FHOD3: variants seen among roughly 807,000 people sequenced by gnomAD.
FHOD3 encodes formin homology 2 domain containing 3.
Under a neutral mutation model 173.0 loss-of-function variants are expected in FHOD3, and 90 were observed. The observed-to-expected ratio is 0.52, with a 90% CI of 0.44 to 0.62. The LOEUF is 0.62. Ranked by LOEUF, FHOD3 falls within the 20% of genes least tolerant of loss-of-function variation. The probability of loss-of-function intolerance (pLI) is 0.00; values close to 1 mark genes in which losing one functional copy is unlikely to be tolerated. For missense variants in FHOD3, 1,945 were observed against 2,034.7 expected (o/e 0.96, Z 0.85); for synonymous variants, 828 against 823.0 (o/e 1.01, Z -0.10).
At chr18:36,392,051 G>T (rs551176027) in intron 3 of FHOD3, among the ~76,000 whole-genome samples, 1 of 152,232 alleles carries the variant, frequency 6.6e-6, no homozygotes, top group East Asian at 1.9e-4. Flanking sequence ...CTGGACCCTG[G>T]TGTAGCGGGG....
intron 3 of FHOD3, among the ~76,000 whole-genome samples, chr18:36,382,893 C>G (rs2047862623): frequency 6.6e-6 from 1 of 152,182 alleles, no homozygotes; most frequent in Admixed American, 6.5e-5. Flanking sequence ...GCACCGATTT[C>G]CCTAGGTTTG....
At chr18:36,530,299 A>C (rs1201316928) in intron 5 of FHOD3, among the ~76,000 whole-genome samples, 1 of 152,000 alleles carries the variant, frequency 6.6e-6, no homozygotes, top group Non-Finnish European at 1.5e-5. Context: ...CCTTCTCCCC[A>C]CCTGGCTTCT....
chr18:36,732,241 G>A (rs2041401359), intron 20 of FHOD3, among the ~76,000 whole-genome samples: 1 of 152,198 alleles, frequency 6.6e-6, no homozygotes, highest in South Asian at 2.1e-4. Context: ...AGACAGTATG[G>A]TCCTGCTGAC....
rs2034067431 is a variant in FHOD3, at chr18:36,625,874, C to G, written c.1196+125C>G. The G allele has an allele frequency of 6.5e-6, 5 of 764,284 alleles. No homozygotes were observed. In the Admixed American group the frequency reaches 9.3e-5, roughly 14 times the overall value. 47.3% of individuals were successfully genotyped at this position (764,284 alleles called of 1,614,324 possible). On this transcript the variant is annotated intron_variant, in intron 10 of 28. Transcript: ENST00000590592. ...CCCCACCCAGCATTGCTCCCTACCT[C>G]TTCTTGACCATTAAACCACCAGCCA...
intron 3 of FHOD3, among the ~76,000 whole-genome samples, chr18:36,479,611 A>G (rs1455756211): frequency 6.6e-6 from 1 of 152,122 alleles, no homozygotes; most frequent in Non-Finnish European, 1.5e-5. Flanking sequence ...ATATATATAT[A>G]TATTCCAAAT....
chr18:36,714,301 C>T (rs1231590707), intron 18 of FHOD3, among the ~76,000 whole-genome samples: 1 of 152,120 alleles, frequency 6.6e-6, no homozygotes, highest in Non-Finnish European at 1.5e-5. Flanking sequence ...CTTTGGGAGG[C>T]CGAGGCGGGC....
intron 1 of FHOD3, among the ~76,000 whole-genome samples, chr18:36,299,340 T>C (rs529248167): frequency 4.6e-5 from 7 of 152,336 alleles, no homozygotes; most frequent in East Asian, 3.9e-4. Context: ...TCCAGAGTGA[T>C]GTATTCTGGA....
At chr18:36,585,572 A>T (rs1407006591) in intron 6 of FHOD3, among the ~76,000 whole-genome samples, 2 of 151,992 alleles carry the variant, frequency 1.3e-5, no homozygotes, top group Non-Finnish European at 2.9e-5. Context: ...CTGTCCAGAC[A>T]GGTCTCCAGA....
At position 36,728,477 on chromosome 18, in the gene FHOD3, T is replaced by G. The variant is rs192338694; in HGVS notation, c.3418-2169T>G. On this transcript the variant is annotated intron_variant, in intron 19 of 28. Coordinates refer to ENST00000590592, the MANE Select transcript of FHOD3 (RefSeq NM_001281740.3). ...TCCCTGAAGAGTGGGGAGGCATGTATGCCACGTGTCCCTGGGAGCCCAGTG... is the reference window on the plus strand; with the variant it reads ...TCCCTGAAGAGTGGGGAGGCATGTAGGCCACGTGTCCCTGGGAGCCCAGTG... Among the ~76,000 whole-genome samples, 341 of 152,276 alleles carry G rather than the reference T, an allele frequency of 2.2e-3. 3 individuals are homozygous for G. The highest frequency in any genetic ancestry group is 7.9e-3 in the African/African-American group (327 of 41,570).
At chr18:36,450,618 C>T (rs1174993644) in intron 3 of FHOD3, among the ~76,000 whole-genome samples, 5 of 151,896 alleles carry the variant, frequency 3.3e-5, no homozygotes, top group African/African-American at 4.8e-5. Flanking sequence ...ATGGTGAGAC[C>T]GTGTCTCTAA....
chr18:36,553,669 A>G (rs2057755931), intron 5 of FHOD3, among the ~76,000 whole-genome samples: 1 of 152,146 alleles, frequency 6.6e-6, no homozygotes, highest in Non-Finnish European at 1.5e-5. Context: ...TCTGCATGGC[A>G]AAAGAAACTA....
chr18:36,484,296 G>A (rs1192974646), intron 3 of FHOD3, among the ~76,000 whole-genome samples: 1 of 152,128 alleles, frequency 6.6e-6, no homozygotes, highest in African/African-American at 2.4e-5. Flanking sequence ...CTCAGAAAAT[G>A]TGTAGCCTGA....
chr18:36,671,851 C>T (rs2037554969), intron 14 of FHOD3, among the ~76,000 whole-genome samples: 2 of 152,148 alleles, frequency 1.3e-5, no homozygotes, highest in South Asian at 2.1e-4. Context: ...GGGAGTAAGC[C>T]GTGCCAGAAA....
chr18:36,420,097 G>A (rs1159522745), intron 3 of FHOD3, among the ~76,000 whole-genome samples: 1 of 152,196 alleles, frequency 6.6e-6, no homozygotes, highest in Non-Finnish European at 1.5e-5. Context: ...CTCTTGGAAT[G>A]CGGAGCCTGG....
chr18:36,559,372 G>A (rs1267687961), intron 5 of FHOD3, among the ~76,000 whole-genome samples: 2 of 152,108 alleles, frequency 1.3e-5, no homozygotes, highest in Non-Finnish European at 2.9e-5. Context: ...CAGCGGGACC[G>A]GTGACATCAG....
At chr18:36,480,584 G>A (rs1341054928) in intron 3 of FHOD3, among the ~76,000 whole-genome samples, 2 of 152,170 alleles carry the variant, frequency 1.3e-5, no homozygotes, top group Non-Finnish European at 2.9e-5. Context: ...GCTTTGTTCT[G>A]GAGGTTTGCA....
At chr18:36,358,027 A>G (rs1366363196) in intron 2 of FHOD3, among the ~76,000 whole-genome samples, 1 of 152,208 alleles carries the variant, frequency 6.6e-6, no homozygotes, top group Non-Finnish European at 1.5e-5. Flanking sequence ...TATTCACAAG[A>G]TCTTTAATAA....
At chr18:36,535,029 C>T (rs1476396182) in intron 5 of FHOD3, among the ~76,000 whole-genome samples, 3 of 152,104 alleles carry the variant, frequency 2.0e-5, no homozygotes, top group Non-Finnish European at 2.9e-5. Context: ...TAACTTGTCC[C>T]GTTTGTTCCT....
chr18:36,354,877 G>A (rs1434519899), intron 1 of FHOD3, among the ~76,000 whole-genome samples: 1 of 152,058 alleles, frequency 6.6e-6, no homozygotes, highest in African/African-American at 2.4e-5. Flanking sequence ...TACTCGGGAG[G>A]CTGGGGCAGG....
Sources: allele counts gnomAD v4.1 joint callset (sites outside exome capture counted in the v4.1 genomes callset), GRCh38; gene constraint gnomAD v4.1.1; transcripts MANE v1.5; gene names NCBI Gene and HGNC (gene_info 2026-07-23, HGNC 2026-07-21).